UNC13C: variants seen among roughly 807,000 people sequenced by gnomAD.
The protein encoded by UNC13C is protein unc-13 homolog C.
Under a neutral mutation model 245.4 loss-of-function variants are expected in UNC13C, and 174 were observed. That is an observed-to-expected ratio of 0.71 (90% CI 0.63 to 0.80). UNC13C has a LOEUF of 0.80. UNC13C is among the 30% of genes least tolerant of loss of function. The pLI is 0.00. For missense variants in UNC13C, 2,829 were observed against 2,602.9 expected, an observed-to-expected ratio of 1.09 and a Z score of -1.89; for synonymous variants, 992 against 895.1, an observed-to-expected ratio of 1.11 and a Z score of -1.93.
chr15:54,411,786 CT>C lies in UNC13C; in HGVS notation c.4848-3193del, dbSNP rs1437378027. On this transcript the variant is annotated intron_variant, in intron 18 of 32. Coordinates refer to ENST00000260323, the MANE Select transcript of UNC13C (RefSeq NM_001080534.3). ...ATTTTTTCCTCTTCTAGTGCTTTTA[CT>C]TTGCTATGTCAATTTTAGAATCAGT... is the stretch of plus-strand genomic sequence containing the variant. Among the ~76,000 whole-genome samples the C allele has an allele frequency of 6.6e-5, 10 of 152,136 alleles. No homozygotes were observed. In the East Asian group the frequency reaches 1.7e-3, roughly 26 times the overall value.
chr15:54,546,940 T>G, intron 27 of UNC13C, 95 bp downstream of exon 27: 1 of 1,161,676 alleles, frequency 8.6e-7, no homozygotes. Context: ...ATTAAATCCC[T>G]TTGGGGAAAA....
At chr15:54,129,334 A>G (rs2031263949) in intron 2 of UNC13C, among the ~76,000 whole-genome samples, 1 of 152,200 alleles carries the variant, frequency 6.6e-6, no homozygotes, top group Non-Finnish European at 1.5e-5. Context: ...CTGGTATGTA[A>G]TCTTATCACA....
chr15:54,037,258 C>T (rs953610422), intron 2 of UNC13C, among the ~76,000 whole-genome samples: 8 of 152,184 alleles, frequency 5.3e-5, no homozygotes, highest in African/African-American at 1.9e-4. Flanking sequence ...CCCTTTTAGG[C>T]ACTCCGGTGA....
At chr15:54,069,647 C>G (rs935514055) in intron 2 of UNC13C, among the ~76,000 whole-genome samples, 4 of 152,128 alleles carry the variant, frequency 2.6e-5, no homozygotes, top group African/African-American at 9.7e-5. Context: ...TGGAGAGGTA[C>G]TTCGATTGCT....
chr15:54,529,929 G>A (rs1347777869), intron 25 of UNC13C, among the ~76,000 whole-genome samples: 1 of 152,148 alleles, frequency 6.6e-6, no homozygotes, highest in Non-Finnish European at 1.5e-5. Flanking sequence ...TAGAGGAATG[G>A]TGGTGATGCT....
At chr15:54,398,568 C>G (rs926927755) in intron 18 of UNC13C, among the ~76,000 whole-genome samples, 1 of 151,282 alleles carries the variant, frequency 6.6e-6, no homozygotes, top group African/African-American at 2.4e-5. Context: ...CTGGAAAAAT[C>G]ATCCGGGCTT....
In UNC13C at chr15:54,274,201, G is replaced by A. The variant is rs146974757; in HGVS notation, c.3818+8705G>A. ...GTGCTGCCAACTTGACTTGACAATA[G>A]GATAGATATTTGACTCCAAATAAAA... On this transcript the variant is annotated intron_variant, in intron 10 of 32. Transcript: ENST00000260323. Among the ~76,000 whole-genome samples, 223 of 152,186 alleles carry A rather than the reference G, an allele frequency of 1.5e-3. 1 individual carries two copies. Among genetic ancestry groups the A allele is most frequent in the African/African-American group, 5.3e-3 (219 of 41,522 alleles).
At chr15:54,444,462 A>G (rs951545620) in intron 19 of UNC13C, among the ~76,000 whole-genome samples, 1 of 151,818 alleles carries the variant, frequency 6.6e-6, no homozygotes, top group Non-Finnish European at 1.5e-5. Context: ...TAACTGTATC[A>G]TGTACTTTTA....
the UNC13C span, among the ~76,000 whole-genome samples, chr15:53,924,521 G>A: frequency 6.6e-6 from 1 of 152,158 alleles, no homozygotes; most frequent in South Asian, 2.1e-4. Context: ...GCAAATTAAG[G>A]AAATAGTGAG....
chr15:53,863,469 A>G, the UNC13C span, among the ~76,000 whole-genome samples: 6 of 152,234 alleles, frequency 3.9e-5, no homozygotes, highest in Non-Finnish European at 7.3e-5. Context: ...CAGTAATTCA[A>G]GTGATAGCTG....
At chr15:54,487,208 C>T (rs1295474379) in intron 19 of UNC13C, among the ~76,000 whole-genome samples, 1 of 152,134 alleles carries the variant, frequency 6.6e-6, no homozygotes, top group Non-Finnish European at 1.5e-5. Context: ...TGGATTCATT[C>T]CGGGTTTCTG....
rs149693231 is a variant in UNC13C at position 54,128,721 on chromosome 15, C to T, written c.2984-14297C>T. On this transcript the variant is annotated intron_variant, in intron 2 of 32. Coordinates refer to ENST00000260323, the MANE Select transcript of UNC13C (RefSeq NM_001080534.3). The stretch of plus-strand genomic sequence containing the variant: ...GTCCAGGTTCTTTAGCCTGCCCCCA[C>T]GGACACCCAAGTGGAAAGGGCTTTA... Among the ~76,000 whole-genome samples, 1,214 of 152,276 alleles carry T rather than the reference C, an allele frequency of 8.0e-3. 21 individuals are homozygous for T. Among genetic ancestry groups the T allele is most frequent in the African/African-American group, 0.028 (1,163 of 41,548 alleles).
At chr15:54,305,405 C>A (rs2140954031) in intron 13 of UNC13C, among the ~76,000 whole-genome samples, 1 of 152,102 alleles carries the variant, frequency 6.6e-6, no homozygotes, top group East Asian at 1.9e-4. Flanking sequence ...AGTTGAAATA[C>A]AGCTTTCAGA....
intron 4 of UNC13C, among the ~76,000 whole-genome samples, chr15:54,155,570 T>A (rs1324982065): frequency 1.2e-5 from 1 of 84,832 alleles, no homozygotes; most frequent in Non-Finnish European, 2.3e-5. Flanking sequence ...AGAATATCAT[T>A]TCTTATATTT....
At chr15:54,028,298 C>T (rs1566960480) in intron 2 of UNC13C, among the ~76,000 whole-genome samples, 1 of 152,148 alleles carries the variant, frequency 6.6e-6, no homozygotes, top group Admixed American at 6.5e-5. Context: ...TTGAATAAGG[C>T]CGGGCAACTT....
rs189000988 is a variant in UNC13C at position 54,435,346 on chromosome 15, A to G, written c.4933+20279A>G. 2.4e-3 allele frequency among the ~76,000 whole-genome samples: 372 copies of G among 152,248 alleles called. 2 individuals are homozygous for G. Among genetic ancestry groups the G allele is most frequent in the Non-Finnish European group, 3.4e-3 (230 of 68,002 alleles). The stretch of plus-strand genomic sequence containing the variant: ...GAACCAACCCAAATCCCCATCAGAT[A>G]AACTGGATAAAGAAAATGTGGCACA... On this transcript the variant is annotated intron_variant, in intron 19 of 32. Coordinates refer to ENST00000260323, the MANE Select transcript of UNC13C (RefSeq NM_001080534.3).
chr15:54,327,899 T>A (rs1249547578), intron 14 of UNC13C, among the ~76,000 whole-genome samples: 2 of 152,040 alleles, frequency 1.3e-5, no homozygotes, highest in Non-Finnish European at 2.9e-5. Flanking sequence ...AAGGCATTCT[T>A]GGATTATGAA....
chr15:54,133,045 A>T (rs2031524162), intron 2 of UNC13C, among the ~76,000 whole-genome samples: 1 of 152,176 alleles, frequency 6.6e-6, no homozygotes, highest in Non-Finnish European at 1.5e-5. Flanking sequence ...TTAATCTTAA[A>T]TGTAGGCATT....
chr15:53,871,877 CTCT>C, the UNC13C span, among the ~76,000 whole-genome samples: 1 of 152,186 alleles, frequency 6.6e-6, no homozygotes, highest in Non-Finnish European at 1.5e-5. Flanking sequence ...TGTGTTTGAA[CTCT>C]TCAACTTGTA....
Sources: gnomAD v4.1 joint callset for allele counts (sites outside exome capture counted in the v4.1 genomes callset) on GRCh38, gnomAD v4.1.1 for gene constraint, MANE v1.5 for transcripts, NCBI Gene and HGNC (gene_info 2026-07-23, HGNC 2026-07-21) for gene names.